Variants in PRDM6 observed in about 807,000 individuals in gnomAD.
PRDM6 encodes the protein PR/SET domain 6, also known as putative histone-lysine N-methyltransferase PRDM6.
A neutral mutation model predicts 60.8 loss-of-function variants in PRDM6; 25 were observed. The observed-to-expected ratio is 0.41, with a 90% CI of 0.30 to 0.57. The LOEUF (loss-of-function observed/expected upper bound fraction) is 0.57. Ranked by LOEUF, PRDM6 falls within the 20% of genes least tolerant of loss-of-function variation. The pLI is 0.27. For missense variants in PRDM6, 839 were observed against 821.3 expected, an observed-to-expected ratio of 1.02 and a Z score of -0.26; for synonymous variants, 407 against 357.4, an observed-to-expected ratio of 1.14 and a Z score of -1.57.
intron 3 of PRDM6, among the ~76,000 whole-genome samples, chr5:123,114,340 T>C (rs1309090718): frequency 2.0e-5 from 3 of 152,250 alleles, no homozygotes; most frequent in Non-Finnish European, 2.9e-5. Flanking sequence ...GCCTGTGCTA[T>C]TTATTTACCC....
intron 2 of PRDM6, among the ~76,000 whole-genome samples, chr5:123,094,770 T>A (rs2150205578): frequency 6.6e-6 from 1 of 152,296 alleles, no homozygotes; most frequent in African/African-American, 2.4e-5. Flanking sequence ...CCGCATTGTA[T>A]ATGGCAGCCT....
intron 3 of PRDM6, among the ~76,000 whole-genome samples, chr5:123,105,931 A>T (rs532626526): frequency 6.6e-6 from 1 of 152,212 alleles, no homozygotes; most frequent in Non-Finnish European, 1.5e-5. Flanking sequence ...CGTCATGTCA[A>T]TCCTTTTTGT....
At chr5:123,092,915 G>C (rs975304066) in intron 2 of PRDM6, among the ~76,000 whole-genome samples, 18 of 152,294 alleles carry the variant, frequency 1.2e-4, no homozygotes, top group African/African-American at 3.9e-4. Context: ...TTTAATCTAA[G>C]TAGGGGCTTA....
intron 5 of PRDM6, among the ~76,000 whole-genome samples, chr5:123,167,098 A>G (rs1000349000): frequency 6.6e-6 from 1 of 152,182 alleles, no homozygotes; most frequent in Non-Finnish European, 1.5e-5. Context: ...TAGGAAGAAT[A>G]ATCTTGTGTG....
At chr5:123,093,503 G>A (rs1407700055) in intron 2 of PRDM6, among the ~76,000 whole-genome samples, 1 of 152,158 alleles carries the variant, frequency 6.6e-6, no homozygotes. Context: ...TTTCCAGTAT[G>A]TTCCTAACTC....
rs111723588 is a variant in PRDM6 at position 123,164,665 on chromosome 5, C to A, written c.1153+5027C>A. On this transcript the variant is annotated intron_variant, in intron 5 of 7. Transcript: ENST00000407847. ...CCCACTAAAAAGGTGTTGACAGAGA[C>A]AAATGACAAAGGTCTCAGGGAAAGT... 3.8e-3 allele frequency among the ~76,000 whole-genome samples: 577 copies of A among 152,284 alleles called. 5 individuals are homozygous for A. The highest frequency in any genetic ancestry group is 0.015 in the South Asian group (73 of 4,814).
At chr5:123,114,541 T>A (rs976497828) in intron 3 of PRDM6, among the ~76,000 whole-genome samples, 1 of 152,256 alleles carries the variant, frequency 6.6e-6, no homozygotes, top group African/African-American at 2.4e-5. Context: ...TCAGTCAGTT[T>A]GGTAAGCTTA....
At chr5:123,130,767 A>G (rs1027284140) in intron 3 of PRDM6, among the ~76,000 whole-genome samples, 3 of 152,080 alleles carry the variant, frequency 2.0e-5, no homozygotes, top group African/African-American at 2.4e-5. Context: ...GGGTTTCTCC[A>G]TGTTTGTCAG....
At position 123,187,313 on chromosome 5, in the gene PRDM6, C is replaced by A; in HGVS notation, c.*112C>A. ...CAACTTTCAATCAGTCCCAGAAAAC[C>A]AAAAGCAGTAATAAAATAAGTAAGA... On this transcript the variant is annotated 3_prime_UTR_variant, in exon 8 of 8. Transcript: ENST00000407847. 1 of 711,258 alleles carries A rather than the reference C, an allele frequency of 1.4e-6. No homozygotes were observed. The highest frequency in any genetic ancestry group is 2.4e-6 in the Non-Finnish European group (1 of 409,598). The allele number at this position is 711,258 out of a possible 1,614,324, so 44.1% of individuals were successfully genotyped here. A position where few individuals can be genotyped will look rare whatever the true frequency, so the allele number is the denominator to read the frequency against.
intron 3 of PRDM6, among the ~76,000 whole-genome samples, chr5:123,137,334 A>C (rs941103508): frequency 1.3e-5 from 2 of 152,172 alleles, no homozygotes; most frequent in Non-Finnish European, 2.9e-5. Context: ...GGATTTAAAA[A>C]TTTTCATATT....
chr5:123,110,383 C>G (rs1046775643), intron 3 of PRDM6, among the ~76,000 whole-genome samples: 2 of 150,720 alleles, frequency 1.3e-5, no homozygotes, highest in African/African-American at 4.9e-5. Flanking sequence ...CTCAGCCTCC[C>G]GAGTAGCTGG....
chr5:123,107,670 T>TA (rs1764225362), intron 3 of PRDM6, among the ~76,000 whole-genome samples: 1 of 152,244 alleles, frequency 6.6e-6, no homozygotes, highest in African/African-American at 2.4e-5. Context: ...TGTAAAATAA[T>TA]AACACTTTAG....
intron 3 of PRDM6, among the ~76,000 whole-genome samples, chr5:123,126,976 TAA>T (rs1764707136): frequency 6.6e-6 from 1 of 152,224 alleles, no homozygotes; most frequent in Middle Eastern, 3.4e-3. Context: ...GACCTACCAG[TAA>T]ATTTCCAGGA....
intron 3 of PRDM6, among the ~76,000 whole-genome samples, chr5:123,155,499 C>T (rs555901640): frequency 6.6e-6 from 1 of 151,978 alleles, no homozygotes; most frequent in Non-Finnish European, 1.5e-5. Flanking sequence ...GTGTTTGAGA[C>T]TGGGGGGCCT....
intron 3 of PRDM6, among the ~76,000 whole-genome samples, chr5:123,128,884 G>A (rs555770813): frequency 1.4e-4 from 21 of 152,056 alleles, no homozygotes; most frequent in African/African-American, 4.6e-4. Flanking sequence ...TTCTTGTAGG[G>A]TTATGGTTTT....
rs1766467625 is a variant in PRDM6 at position 123,193,382 on chromosome 5, A to C, written c.*6181A>C. 1 of 152,216 alleles carries C rather than the reference A, an allele frequency of 6.6e-6. No individual in the cohort carries two copies. Among genetic ancestry groups the C allele is most frequent in the African/African-American group, 2.4e-5 (1 of 41,452 alleles). 9.4% of individuals were successfully genotyped at this position (152,216 alleles called of 1,614,324 possible). On this transcript the variant is annotated 3_prime_UTR_variant, in exon 8 of 8. Coordinates refer to ENST00000407847, the MANE Select transcript of PRDM6 (RefSeq NM_001136239.4). ...CAGGTGATTGCCACATGTTGGGGAA[A>C]GCAGCCATCTTAGAGCAAAAGTCTG...
chr5:123,180,346 C>T (rs766387302), intron 7 of PRDM6, 23 bp downstream of exon 7: 7 of 1,533,750 alleles, frequency 4.6e-6, no homozygotes, highest in Non-Finnish European at 5.3e-6. Context: ...TAGCCCTCCA[C>T]CCTCTCTTTC....
intron 5 of PRDM6, among the ~76,000 whole-genome samples, chr5:123,160,147 G>A (rs1765594360): frequency 6.6e-6 from 1 of 152,220 alleles, no homozygotes; most frequent in Non-Finnish European, 1.5e-5. Context: ...ATTTAAAATG[G>A]TAGATATGTG....
intron 6 of PRDM6, 139 bp downstream of exon 6, chr5:123,171,247 C>T (rs1344204602): frequency 7.1e-6 from 5 of 707,868 alleles, no homozygotes. Flanking sequence ...GAGAGAAATG[C>T]AAGACCACTG....
Sources: allele counts gnomAD v4.1 joint callset (sites outside exome capture counted in the v4.1 genomes callset), GRCh38; gene constraint gnomAD v4.1.1; transcripts MANE v1.5; gene names NCBI Gene and HGNC (gene_info 2026-07-23, HGNC 2026-07-21).